Variants in ABCA13 observed in about 807,000 individuals in gnomAD.
ABCA13 encodes the protein ATP binding cassette subfamily A member 13.
In ABCA13, 476 loss-of-function variants were observed where a neutral mutation model predicts 478.7. The ratio of observed to expected loss-of-function variants is 0.99; its 90% confidence interval spans 0.92 to 1.07. The LOEUF is 1.07. Ranked by LOEUF, ABCA13 falls within the 50% of genes least tolerant of loss-of-function variation. ABCA13 has a pLI of 0.00. For synonymous variants in ABCA13, 2,252 were observed against 2,158.9 expected, an observed-to-expected ratio of 1.04 and a Z score of -1.20; for missense variants, 6,060 against 5,910.6, an observed-to-expected ratio of 1.03 and a Z score of -0.83.
In ABCA13 at chr7:48,244,588, G is replaced by T. The variant is rs749473817; in HGVS notation, c.1275G>T (p.Leu425=). The change falls in exon 11 of 62, where the codon CTG becomes CTT. Residue 425 remains leucine, a synonymous_variant. Transcript: ENST00000435803. ...NHTFPKILQH[L]WKLQSLLQNL... ...TTTTTGCCCTCAGATTACAGCATCT[G>T]TGGAAATTGCAAAGCTTGCTGCAAA... The T allele has an allele frequency of 1.9e-6, 3 of 1,613,070 alleles. No homozygotes were observed. Among genetic ancestry groups the T allele is most frequent in the Non-Finnish European group, 2.5e-6 (3 of 1,179,620 alleles).
chr7:48,508,594 A>G (rs775751791), intron 50 of ABCA13, among the ~76,000 whole-genome samples: 2 of 152,190 alleles, frequency 1.3e-5, no homozygotes, highest in Non-Finnish European at 2.9e-5. Context: ...CTTAAGTAAA[A>G]AAAAGCATCT....
chr7:48,466,962 G>A lies in ABCA13; in HGVS notation c.12822G>A (p.Gly4274=), dbSNP rs139481182. 1.9e-4 allele frequency: 303 copies of A among 1,613,896 alleles called. No homozygotes were observed. In the African/African-American group the frequency reaches 3.4e-3, roughly 18 times the overall value. ...QRAETYFFSS[G]GDNLDLTRVL... ...GTCTCACAATGAACAGCAGCAGTGG[G>A]GGCGACAACTTGGACCTCACCCGTG... The change falls in exon 44 of 62, where the codon GGG becomes GGA. Residue 4274 remains glycine, a synonymous_variant. Coordinates refer to ENST00000435803, the MANE Select transcript of ABCA13 (RefSeq NM_152701.5).
chr7:48,642,118 GGCCATGCACA>G (rs1795137945), intron 59 of ABCA13, among the ~76,000 whole-genome samples: 1 of 152,148 alleles, frequency 6.6e-6, no homozygotes. Flanking sequence ...AGGCTACTGT[GGCCATGCACA>G]GACCTCAGAG....
intron 59 of ABCA13, chr7:48,626,628 A>C (rs939688778): frequency 2.2e-5 from 22 of 985,520 alleles, no homozygotes; most frequent in Non-Finnish European, 2.5e-5. Flanking sequence ...AACTGAAGTC[A>C]ACTGGTGACC....
chr7:48,627,376 CT>C (rs1793766921), intron 59 of ABCA13, among the ~76,000 whole-genome samples: 1 of 152,168 alleles, frequency 6.6e-6, no homozygotes, highest in Non-Finnish European at 1.5e-5. Context: ...AACCTACACA[CT>C]TTACTCTTTG....
intron 42 of ABCA13, among the ~76,000 whole-genome samples, chr7:48,438,682 T>A (rs981651248): frequency 2.6e-5 from 4 of 152,006 alleles, no homozygotes; most frequent in Non-Finnish European, 5.9e-5. Flanking sequence ...GTTTCTTTAC[T>A]GATTTTTTGT....
intron 45 of ABCA13, among the ~76,000 whole-genome samples, chr7:48,475,458 ATT>A (rs398047655): frequency 0.14 from 13,603 of 99,012 alleles, 292 homozygotes; most frequent in East Asian, 0.19. Context: ...TGTCAATTTA[ATT>A]TTTTTTTTTT....
In ABCA13 at chr7:48,350,791, A is replaced by G. The variant is rs772652742; in HGVS notation, c.10353A>G (p.Glu3451=). ...SVDILETKAH[E]LLQQNSFLAS... Reference sequence around the variant, plus strand: ...ACATCCTGGAGACTAAAGCACATGAACTCTTGCAGCAGAACAGCTTCTTGG... The same window carrying G: ...ACATCCTGGAGACTAAAGCACATGAGCTCTTGCAGCAGAACAGCTTCTTGG... The change falls in exon 30 of 62, where the codon GAA becomes GAG. Residue 3451 remains glutamate, a synonymous_variant. Transcript: ENST00000435803. 3.0e-5 allele frequency: 48 copies of G among 1,613,478 alleles called. No homozygotes were observed. The South Asian group carries it at 4.7e-4, about 16-fold the overall frequency.
At chr7:48,561,181 T>C (rs187993956) in intron 55 of ABCA13, among the ~76,000 whole-genome samples, 27 of 152,316 alleles carry the variant, frequency 1.8e-4, no homozygotes, top group Admixed American at 1.3e-3. Flanking sequence ...ACTTAGCTAT[T>C]GTGAATAGCG....
rs115549864 is a variant in ABCA13 at position 48,386,919 on chromosome 7, G to T, written c.11336-903G>T. Among the ~76,000 whole-genome samples, 1,449 of 152,282 alleles carry T rather than the reference G, an allele frequency of 9.5e-3. 22 individuals are homozygous for T. The highest frequency in any genetic ancestry group is 0.033 in the African/African-American group (1,381 of 41,552). On this transcript the variant is annotated intron_variant, in intron 35 of 61. Coordinates refer to ENST00000435803, the MANE Select transcript of ABCA13 (RefSeq NM_152701.5). ...ACTAAAGAGCTTCTGCACAGCAAAA[G>T]AAACTATTGACAGAGTAAACAGACA...
chr7:48,172,521 C>T (rs1794230978), intron 1 of ABCA13, among the ~76,000 whole-genome samples: 2 of 152,052 alleles, frequency 1.3e-5, no homozygotes, highest in Non-Finnish European at 2.9e-5. Context: ...GTTGGCCGGG[C>T]GCGGTGGCTC....
chr7:48,406,584 T>A (rs796780136), intron 39 of ABCA13, among the ~76,000 whole-genome samples: 4 of 152,308 alleles, frequency 2.6e-5, no homozygotes, highest in African/African-American at 9.6e-5. Flanking sequence ...GTAGCATTGC[T>A]CTTTGAGGCC....
chr7:48,408,265 G>A (rs1818526330), intron 39 of ABCA13, among the ~76,000 whole-genome samples: 1 of 152,092 alleles, frequency 6.6e-6, no homozygotes, highest in Non-Finnish European at 1.5e-5. Flanking sequence ...GCCAGCTCCT[G>A]GCAACAACCA....
At chr7:48,636,284 A>G (rs1261405965) in intron 59 of ABCA13, among the ~76,000 whole-genome samples, 2 of 152,220 alleles carry the variant, frequency 1.3e-5, no homozygotes, top group East Asian at 3.8e-4. Flanking sequence ...CGCCTCCCAT[A>G]TAGGCATCCC....
At chr7:48,523,525 T>C (rs981031701) in intron 53 of ABCA13, among the ~76,000 whole-genome samples, 4 of 152,096 alleles carry the variant, frequency 2.6e-5, no homozygotes, top group African/African-American at 7.2e-5. Flanking sequence ...TTGATGTTGG[T>C]TATGATACTA....
At chr7:48,281,252 A>G (rs917950430) in intron 18 of ABCA13, 91 bp from the exon 19 acceptor site, 1 of 1,005,058 alleles carries the variant, frequency 9.9e-7, no homozygotes, top group Non-Finnish European at 1.5e-6. Context: ...TGGTTCTTAC[A>G]TGTGTGTTAT....
chr7:48,265,009 G>A (rs1794688262), intron 15 of ABCA13, among the ~76,000 whole-genome samples: 1 of 151,482 alleles, frequency 6.6e-6, no homozygotes, highest in Admixed American at 6.6e-5. Flanking sequence ...TGCATAAGGG[G>A]ACCTAATTAC....
At chr7:48,403,128 A>T (rs945329895) in intron 38 of ABCA13, among the ~76,000 whole-genome samples, 1 of 152,252 alleles carries the variant, frequency 6.6e-6, no homozygotes, top group Non-Finnish European at 1.5e-5. Flanking sequence ...CTGCAACGGA[A>T]CAGGACACTT....
At chr7:48,638,063 A>T (rs1563537678) in intron 59 of ABCA13, among the ~76,000 whole-genome samples, 1 of 152,220 alleles carries the variant, frequency 6.6e-6, no homozygotes, top group Non-Finnish European at 1.5e-5. Context: ...GCACTGAATT[A>T]GTACTGAATG....
Sources: gnomAD v4.1 joint callset for allele counts (sites outside exome capture counted in the v4.1 genomes callset) on GRCh38, gnomAD v4.1.1 for gene constraint, MANE v1.5 for transcripts, NCBI Gene and HGNC (gene_info 2026-07-23, HGNC 2026-07-21) for gene names.